Variants in XRN2 observed in about 807,000 individuals in gnomAD.
XRN2 encodes 5'-3' exoribonuclease 2, also known as DHM1-like protein.
A neutral mutation model predicts 138.5 loss-of-function variants in XRN2; 44 were observed. That is an observed-to-expected ratio of 0.32 (90% CI 0.25 to 0.41). The LOEUF (loss-of-function observed/expected upper bound fraction) is 0.41. XRN2 is among the 10% of genes least tolerant of loss of function. The pLI is 1.00. For missense variants in XRN2, 937 were observed against 1,169.3 expected, an observed-to-expected ratio of 0.80 and a Z score of 2.90; for synonymous variants, 354 against 369.4, an observed-to-expected ratio of 0.96 and a Z score of 0.48.
intron 24 of XRN2, among the ~76,000 whole-genome samples, chr20:21,362,061 A>G (rs145612271): frequency 2.0e-5 from 3 of 152,218 alleles, no homozygotes; most frequent in East Asian, 3.9e-4. Flanking sequence ...CTCCTTTTCT[A>G]TCTCCTAATG....
intron 27 of XRN2, among the ~76,000 whole-genome samples, chr20:21,374,232 CTTT>C (rs2122335389): frequency 6.6e-6 from 1 of 152,124 alleles, no homozygotes; most frequent in South Asian, 2.1e-4. Context: ...TCTTTGAAAT[CTTT>C]TTGTGTACAC....
chr20:21,348,320 T>C, intron 18 of XRN2, 21 bp from the exon 19 acceptor site: 1 of 1,612,560 alleles, frequency 6.2e-7, no homozygotes, highest in Non-Finnish European at 8.5e-7. Context: ...CTTGGGTCTT[T>C]AATGTTTTTT....
intron 1 of XRN2, among the ~76,000 whole-genome samples, chr20:21,305,345 G>C (rs1329851794): frequency 2.6e-5 from 4 of 151,960 alleles, no homozygotes; most frequent in African/African-American, 9.7e-5. Context: ...ACAACCTCTG[G>C]CCTCCTGGGT....
intron 29 of XRN2, among the ~76,000 whole-genome samples, chr20:21,388,992 ATGT>A (rs1444392997): frequency 2.0e-5 from 3 of 152,246 alleles, no homozygotes; most frequent in African/African-American, 7.2e-5. Flanking sequence ...CTGTCTGTAC[ATGT>A]TGTTTACACA....
chr20:21,339,822 T>A (rs2038348393), intron 14 of XRN2, among the ~76,000 whole-genome samples: 1 of 152,196 alleles, frequency 6.6e-6, no homozygotes, highest in Admixed American at 6.5e-5. Flanking sequence ...TTAACTTCTT[T>A]AGTTCTTGTT....
chr20:21,362,008 G>T (rs912201240), intron 24 of XRN2, among the ~76,000 whole-genome samples: 14 of 152,118 alleles, frequency 9.2e-5, no homozygotes, highest in Non-Finnish European at 4.4e-5. Context: ...CATAAATAGT[G>T]TCCTCATCTT....
At position 21,325,298 on chromosome 20, in the gene XRN2, A is replaced by G. The variant is rs537957607; in HGVS notation, c.76-981A>G. 9.8e-5 allele frequency among the ~76,000 whole-genome samples: 15 copies of G among 152,366 alleles called. 1 individual carries two copies. The highest frequency in any genetic ancestry group is 3.4e-4 in the African/African-American group (14 of 41,580). ...CTTAATCTCTTGCTGAGGCTCTGGA[A>G]GAGAAAAACAAAGGAAGTAACATTT... On this transcript the variant is annotated intron_variant, in intron 1 of 29. Transcript: ENST00000377191.
At chr20:21,359,123 A>T (rs1054033012) in intron 24 of XRN2, among the ~76,000 whole-genome samples, 1 of 152,222 alleles carries the variant, frequency 6.6e-6, no homozygotes, top group Non-Finnish European at 1.5e-5. Context: ...AGAGTTACAG[A>T]GTTAATGGAA....
chr20:21,357,185 T>G (rs772645630), intron 23 of XRN2, among the ~76,000 whole-genome samples: 2 of 152,170 alleles, frequency 1.3e-5, no homozygotes, highest in Non-Finnish European at 2.9e-5. Flanking sequence ...TTTTAATGGG[T>G]AAATGTTCAT....
At position 21,365,943 on chromosome 20, in the gene XRN2, T is replaced by TTA. The variant is rs1383317691; in HGVS notation, c.2456+250_2456+251dup. On this transcript the variant is annotated intron_variant, in intron 26 of 29. Transcript: ENST00000377191. ...ATAATATATATATAAAATTATAAAT[T>TTA]TATATATATATAATTACAGGAGTGA... Among the ~76,000 whole-genome samples, 10 of 113,716 alleles carry TTA rather than the reference T, an allele frequency of 8.8e-5. 1 individual carries two copies. In the East Asian group the frequency reaches 1.8e-3, roughly 20 times the overall value. 74.6% of individuals were successfully genotyped at this position (113,716 alleles called of 152,430 possible).
At chr20:21,364,934 C>T (rs1345849492) in intron 24 of XRN2, among the ~76,000 whole-genome samples, 3 of 151,818 alleles carry the variant, frequency 2.0e-5, no homozygotes, top group Non-Finnish European at 2.9e-5. Flanking sequence ...TTGTTAAGTC[C>T]ATCCCCCCCG....
At chr20:21,380,399 G>GT (rs1443818248) in intron 27 of XRN2, among the ~76,000 whole-genome samples, 1 of 152,090 alleles carries the variant, frequency 6.6e-6, no homozygotes, top group Admixed American at 6.5e-5. Flanking sequence ...TGTATCTTAA[G>GT]TTTTCCCATA....
intron 11 of XRN2, 39 bp downstream of exon 11, chr20:21,333,876 G>C (rs1362740111): frequency 6.2e-7 from 1 of 1,614,046 alleles, no homozygotes; most frequent in South Asian, 1.1e-5. Context: ...GACTGTTTTA[G>C]GCTTCTTGAC....
chr20:21,318,002 A>G lies in XRN2; in HGVS notation c.76-8277A>G, dbSNP rs139099450. Among the ~76,000 whole-genome samples the G allele has an allele frequency of 6.8e-4, 103 of 152,296 alleles. 1 individual carries two copies. The East Asian group carries it at 0.019, about 28-fold the overall frequency. ...GAAGAGTTCATGAAGAATTCGTACA[A>G]ATTCTTCTTTTGAATGTCTGATGCA... On this transcript the variant is annotated intron_variant, in intron 1 of 29. Transcript: ENST00000377191.
rs973840388 is a variant in XRN2 at position 21,387,102 on chromosome 20, C to T, written c.2787+96C>T. 25 of 1,494,518 alleles carry T rather than the reference C, an allele frequency of 1.7e-5. No individual in the cohort carries two copies. In the African/African-American group the frequency reaches 2.9e-4, roughly 17 times the overall value. 92.6% of individuals were successfully genotyped at this position (1,494,518 alleles called of 1,614,324 possible). ...TTCTTACCAACATTTCTGGAGAAGA[C>T]ACTGATAGAGTAGCTTAGAGTAGCT... On this transcript the variant is annotated intron_variant, in intron 29 of 29. Coordinates refer to ENST00000377191, the MANE Select transcript of XRN2 (RefSeq NM_012255.5).
intron 3 of XRN2, among the ~76,000 whole-genome samples, chr20:21,328,231 CT>C (rs1396660303): frequency 6.6e-6 from 1 of 152,134 alleles, no homozygotes; most frequent in Non-Finnish European, 1.5e-5. Flanking sequence ...AGTGAGCTTT[CT>C]TTCTTGGGTG....
At position 21,345,414 on chromosome 20, in the gene XRN2, T is replaced by C. The variant is rs570988102; in HGVS notation, c.1530-1001T>C. ...GAATGGGGGATATTTCTAATTGTTA[T>C]TCTGTGACTCCTTTGTGTTGTGGGA... On this transcript the variant is annotated intron_variant, in intron 16 of 29. Transcript: ENST00000377191. Among the ~76,000 whole-genome samples the C allele has an allele frequency of 1.1e-4, 16 of 152,332 alleles. No individual in the cohort carries two copies. In the East Asian group the frequency reaches 2.7e-3, roughly 26 times the overall value.
intron 17 of XRN2, among the ~76,000 whole-genome samples, chr20:21,347,549 C>A (rs202848): frequency 0.92 from 140,145 of 152,294 alleles, 64,614 homozygotes; most frequent in Non-Finnish European, 0.95. Flanking sequence ...GTCAAGATTT[C>A]AACTCACTAG....
At chr20:21,326,167 T>TG in intron 1 of XRN2, 112 bp from the exon 2 acceptor site, 1 of 1,053,518 alleles carries the variant, frequency 9.5e-7, no homozygotes. Context: ...AAAGGTTACT[T>TG]GAAGTGTTTT....
Sources: allele counts gnomAD v4.1 joint callset (sites outside exome capture counted in the v4.1 genomes callset), GRCh38; gene constraint gnomAD v4.1.1; transcripts MANE v1.5; gene names NCBI Gene and HGNC (gene_info 2026-07-23, HGNC 2026-07-21).